The following RAPGEF6 variants were observed in gnomAD, a reference collection of about 807,000 sequenced individuals.
RAPGEF6 encodes the protein PDZ domain containing guanine nucleotide exchange factor (GEF) 2.
A neutral mutation model predicts 171.4 loss-of-function variants in RAPGEF6; 56 were observed. The observed-to-expected ratio is 0.33, with a 90% confidence interval of 0.26 to 0.41. The LOEUF (loss-of-function observed/expected upper bound fraction) is 0.41, where lower values mean the gene tolerates loss of function less well. Among genes scored for constraint, RAPGEF6 ranks in the 10% least tolerant of loss-of-function variants. The pLI, the probability that RAPGEF6 is intolerant of heterozygous loss-of-function variation, is 1.00. For synonymous variants in RAPGEF6, 692 were observed against 650.1 expected (o/e 1.06, Z -0.98); for missense variants, 1,674 against 1,921.4 (o/e 0.87, Z 2.41).
At chr5:131,542,502 C>A (rs1760218864) in intron 6 of RAPGEF6, among the ~76,000 whole-genome samples, 1 of 152,098 alleles carries the variant, frequency 6.6e-6, no homozygotes, top group African/African-American at 2.4e-5. Context: ...CTTTGGCAGG[C>A]AATATACTCT....
At chr5:131,492,277 C>A (rs1756335316) in intron 14 of RAPGEF6, among the ~76,000 whole-genome samples, 1 of 152,128 alleles carries the variant, frequency 6.6e-6, no homozygotes, top group African/African-American at 2.4e-5. Context: ...GGAGTATTCT[C>A]AAGTTGCCAG....
chr5:131,543,711 A>G lies in RAPGEF6; in HGVS notation c.495+4336T>C, dbSNP rs73262153. Among the ~76,000 whole-genome samples, 1,083 of 152,322 alleles carry G rather than the reference A, an allele frequency of 7.1e-3. 14 individuals are homozygous for G. Among genetic ancestry groups the G allele is most frequent in the African/African-American group, 0.021 (877 of 41,580 alleles). On this transcript the variant is annotated intron_variant, in intron 6 of 27. Coordinates refer to ENST00000509018, the MANE Select transcript of RAPGEF6 (RefSeq NM_016340.6). ...ATTCAGTTAGTGAAGCAAGAATTCA[A>G]GATAGATGGCTCATCTAAATACTGG...
chr5:131,483,320 A>G (rs1339564348), intron 15 of RAPGEF6, among the ~76,000 whole-genome samples: 145 of 145,386 alleles, frequency 1.0e-3, no homozygotes, highest in African/African-American at 3.6e-3. Flanking sequence ...CTGCACTCCA[A>G]CCTGGGCAAC....
At chr5:131,582,546 A>T (rs2149993396) in intron 4 of RAPGEF6, among the ~76,000 whole-genome samples, 1 of 152,348 alleles carries the variant, frequency 6.6e-6, no homozygotes, top group Non-Finnish European at 1.5e-5. Flanking sequence ...TTAATAGCAG[A>T]TTTTACATAT....
chr5:131,612,057 C>T (rs1340988128), intron 1 of RAPGEF6, among the ~76,000 whole-genome samples: 1 of 152,062 alleles, frequency 6.6e-6, no homozygotes, highest in Non-Finnish European at 1.5e-5. Flanking sequence ...CTTTTAGAGA[C>T]GGGGTCTCAC....
At chr5:131,492,922 A>G in intron 13 of RAPGEF6, 137 bp from the exon 14 acceptor site, 2 of 728,140 alleles carry the variant, frequency 2.7e-6, no homozygotes, top group Non-Finnish European at 4.6e-6. Flanking sequence ...AGAAGGGGGC[A>G]CTCCCACGCC....
chr5:131,566,697 T>C (rs757069756), intron 4 of RAPGEF6, among the ~76,000 whole-genome samples: 3 of 152,078 alleles, frequency 2.0e-5, no homozygotes, highest in Non-Finnish European at 4.4e-5. Flanking sequence ...TAAAGTTATC[T>C]GGGTCTAGAC....
chr5:131,456,072 T>C, intron 19 of RAPGEF6, 60 bp from the exon 20 acceptor site: 1 of 1,264,328 alleles, frequency 7.9e-7, no homozygotes, highest in African/African-American at 1.5e-5. Flanking sequence ...TGGACTCAGG[T>C]CAGCATATAC....
At chr5:131,616,099 G>A (rs1377041020) in intron 1 of RAPGEF6, among the ~76,000 whole-genome samples, 3 of 151,826 alleles carry the variant, frequency 2.0e-5, no homozygotes, top group African/African-American at 7.3e-5. Flanking sequence ...TTCTACCTAG[G>A]GGCGAAAAAA....
intron 17 of RAPGEF6, among the ~76,000 whole-genome samples, chr5:131,468,397 T>C (rs187872148): frequency 3.3e-5 from 5 of 151,642 alleles, no homozygotes; most frequent in African/African-American, 7.3e-5. Context: ...AGAAATCTTA[T>C]GTAATAGGTA....
intron 5 of RAPGEF6, among the ~76,000 whole-genome samples, chr5:131,557,218 G>C (rs1761291295): frequency 6.7e-6 from 1 of 149,914 alleles, no homozygotes; most frequent in African/African-American, 2.5e-5. Flanking sequence ...GAGATAATTT[G>C]TATCTTAAAA....
chr5:131,504,293 C>G (rs1442869853), intron 11 of RAPGEF6, among the ~76,000 whole-genome samples: 1 of 152,024 alleles, frequency 6.6e-6, no homozygotes, highest in Admixed American at 6.6e-5. Flanking sequence ...GAAACCTCGC[C>G]TCTACTAAAA....
chr5:131,440,781 A>G (rs910274687), intron 23 of RAPGEF6, among the ~76,000 whole-genome samples: 1 of 150,936 alleles, frequency 6.6e-6, no homozygotes, highest in Non-Finnish European at 1.5e-5. Context: ...GAAGCTACAT[A>G]GTATAAGTAA....
chr5:131,435,770 A>G, intron 24 of RAPGEF6: 1 of 1,231,844 alleles, frequency 8.1e-7, no homozygotes, highest in Non-Finnish European at 1.1e-6. Context: ...ACAAGAGTAT[A>G]AAATTTACTA....
chr5:131,529,879 C>T (rs1241808058), intron 6 of RAPGEF6, among the ~76,000 whole-genome samples: 2 of 148,510 alleles, frequency 1.3e-5, no homozygotes, highest in Admixed American at 6.7e-5. Context: ...GCCTGGGCAA[C>T]AGAGCAGGGC....
rs1456941913 is a variant in RAPGEF6 at position 131,635,227 on chromosome 5, T to C, written c.-197A>G. 14 of 559,394 alleles carry C rather than the reference T, an allele frequency of 2.5e-5. No homozygotes were observed. The East Asian group carries it at 4.3e-4, about 17-fold the overall frequency. 34.7% of individuals were successfully genotyped at this position (559,394 alleles called of 1,614,324 possible). A position where few individuals can be genotyped will look rare whatever the true frequency, so the allele number is the denominator to read the frequency against. On this transcript the variant is annotated 5_prime_UTR_variant, in exon 1 of 28. Transcript: ENST00000509018. The stretch of plus-strand genomic sequence containing the variant: ...CCACGCGCGACTGGCCGGAGACAAG[T>C]CTGCGCGGGGGCGGGGGAGAGTAAG...
chr5:131,508,159 G>A lies in RAPGEF6; in HGVS notation c.854C>T (p.Thr285Ile). 1 of 1,613,034 alleles carries A rather than the reference G, an allele frequency of 6.2e-7. No individual in the cohort carries two copies. The highest frequency in any genetic ancestry group is 8.5e-7 in the Non-Finnish European group (1 of 1,179,454). ...MHQLPAFANM[T>I]MSVRRELCSV... ...GCAGAGTTCTCTCCTTACAGACATG[G>A]TCATGTTTGCAAATGCAGGGAGCTG... The change falls in exon 9 of 28, where the codon ACC becomes ATC. Residue 285 changes from threonine to isoleucine, a missense_variant. Coordinates refer to ENST00000509018, the MANE Select transcript of RAPGEF6 (RefSeq NM_016340.6).
rs1304037859 is a variant in RAPGEF6 at position 131,433,431 on chromosome 5, C to G, written c.3973G>C (p.Gly1325Arg). ...ATGAACACAGACAATGATGCTTACC[C>G]AGGGCCATGTTGACTATGATCTCCT... ...GIGDHSQHGP[G>R]WTLLKPSLIK... is the part of the protein sequence containing the mutation. Residue 1325 changes from glycine to arginine, a missense_variant and splice_region_variant, in exon 25 of 28, where the codon GGG becomes CGG. This residue lies in a region of RAPGEF6 where 552 missense variants were observed against 574.2 expected (regional missense o/e 0.96). Coordinates refer to ENST00000509018, the MANE Select transcript of RAPGEF6 (RefSeq NM_016340.6). 1 of 1,607,656 alleles carries G rather than the reference C, an allele frequency of 6.2e-7. No homozygotes were observed. The highest frequency in any genetic ancestry group is 1.1e-5 in the South Asian group (1 of 90,928).
intron 11 of RAPGEF6, among the ~76,000 whole-genome samples, chr5:131,500,337 T>C (rs1756938677): frequency 1.3e-5 from 2 of 152,178 alleles, no homozygotes; most frequent in Non-Finnish European, 2.9e-5. Flanking sequence ...GAGTACCAAA[T>C]TGTTTTATTA....
Sources: allele counts gnomAD v4.1 joint callset (sites outside exome capture counted in the v4.1 genomes callset), GRCh38; gene constraint gnomAD v4.1.1; regional missense constraint gnomAD v4.1.1; transcripts MANE v1.5; gene names NCBI Gene and HGNC (gene_info 2026-07-23, HGNC 2026-07-21).